The following METTL24 variants were observed in gnomAD, a reference collection of about 807,000 sequenced individuals.
The protein encoded by METTL24 is probable methyltransferase-like protein 24.
METTL24 carries 29 observed loss-of-function variants against 32.7 expected under a neutral mutation model. The observed-to-expected ratio is 0.89, with a 90% CI of 0.66 to 1.21. METTL24 has a LOEUF of 1.21. Among genes scored for constraint, METTL24 ranks in the 50% most tolerant of loss-of-function variants. METTL24 has a pLI of 0.00. For missense variants in METTL24, 439 were observed against 468.1 expected (o/e 0.94, Z 0.57); for synonymous variants, 163 against 179.5 (o/e 0.91, Z 0.73).
Position 110,323,370 on chromosome 6 carries a change from C to T in METTL24, c.319-498G>A, listed in dbSNP as rs541416665. Among the ~76,000 whole-genome samples the T allele has an allele frequency of 1.3e-3, 202 of 152,266 alleles. 1 individual carries two copies. The highest frequency in any genetic ancestry group is 4.6e-3 in the African/African-American group (193 of 41,552). On this transcript the variant is annotated intron_variant, in intron 1 of 4. Transcript: ENST00000338882. The stretch of plus-strand genomic sequence containing the variant: ...TCCTCAGTGCAGGGAGATGGGACCA[C>T]GGCCCTTGGCTGCTGGGACCCTGCA...
intron 1 of METTL24, among the ~76,000 whole-genome samples, chr6:110,335,566 GTTTTTTTTTTTTTTTTT>G (rs527344096): frequency 1.5e-5 from 1 of 66,114 alleles, no homozygotes. Context: ...GGGAATCATT[GTTTTTTTTTTTTTTTTT>G]TTTTTTTTTT....
At chr6:110,261,348 CA>C (rs1770723807) in intron 4 of METTL24, among the ~76,000 whole-genome samples, 1 of 152,036 alleles carries the variant, frequency 6.6e-6, no homozygotes, top group South Asian at 2.1e-4. Flanking sequence ...TTGAAACCAA[CA>C]AAGATCAAAA....
At position 110,284,089 on chromosome 6, in the gene METTL24, G is replaced by A. The variant is rs564450998; in HGVS notation, c.786+14833C>T. ...CCCCAATGAACCTTGAAAACATTAT[G>A]CAAAGTGAAATAAACTACACACAAA... On this transcript the variant is annotated intron_variant, in intron 4 of 4. Coordinates refer to ENST00000338882, the MANE Select transcript of METTL24 (RefSeq NM_001123364.3). 3.3e-5 allele frequency among the ~76,000 whole-genome samples: 5 copies of A among 152,254 alleles called. No homozygotes were observed. In the South Asian group the frequency reaches 1.0e-3, roughly 32 times the overall value.
chr6:110,316,891 C>CA (rs1038603080), intron 2 of METTL24, among the ~76,000 whole-genome samples: 1 of 150,772 alleles, frequency 6.6e-6, no homozygotes, highest in African/African-American at 2.4e-5. Flanking sequence ...GACCCTGTCT[C>CA]AAAAAAATAA....
rs13200277 is a variant in METTL24 at position 110,336,695 on chromosome 6, C to T, written c.319-13823G>A. On this transcript the variant is annotated intron_variant, in intron 1 of 4. Coordinates refer to ENST00000338882, the MANE Select transcript of METTL24 (RefSeq NM_001123364.3). ...CGGGGCTTGCAGTGAGCTGAGATTG[C>T]GCCACTGCACTCCAGCCTGGGCGAC... Among the ~76,000 whole-genome samples the T allele has an allele frequency of 4.1e-3, 608 of 148,296 alleles. 8 individuals are homozygous for T. Among genetic ancestry groups the T allele is most frequent in the Middle Eastern group, 0.021 (6 of 286 alleles).
In METTL24 at chr6:110,358,317, G is replaced by T; in HGVS notation, c.-45C>A. 1 of 1,373,446 alleles carries T rather than the reference G, an allele frequency of 7.3e-7. No homozygotes were observed. The highest frequency in any genetic ancestry group is 9.5e-7 in the Non-Finnish European group (1 of 1,058,188). The allele number at this position is 1,373,446 out of a possible 1,614,324, so 85.1% of individuals were successfully genotyped here. A position where few individuals can be genotyped will look rare whatever the true frequency, so the allele number is the denominator to read the frequency against. On this transcript the variant is annotated 5_prime_UTR_variant, in exon 1 of 5. The change creates a new upstream start codon in the 5' untranslated region. Transcript: ENST00000338882. The stretch of plus-strand genomic sequence containing the variant: ...CGCGGGCCGCGCCTGGCCGGCAGCA[G>T]GGATGTAGCCCCACAGGCCGGAGCG...
intron 4 of METTL24, among the ~76,000 whole-genome samples, chr6:110,273,455 T>C (rs192883329): frequency 2.6e-4 from 39 of 152,076 alleles, no homozygotes; most frequent in African/African-American, 8.2e-4. Context: ...GGAGAAAATA[T>C]TCTCAAACTA....
intron 1 of METTL24, among the ~76,000 whole-genome samples, chr6:110,345,518 A>G (rs930154094): frequency 6.6e-6 from 1 of 152,246 alleles, no homozygotes; most frequent in South Asian, 2.1e-4. Flanking sequence ...AAAGACATGG[A>G]ATCAACCTAA....
In METTL24 at chr6:110,245,948, AT is replaced by A. The variant is rs1562213615; in HGVS notation, c.1098del (p.Lys366AsnfsTer21). 6.2e-7 allele frequency: 1 copy of A among 1,606,796 alleles called. No individual in the cohort carries two copies. Among genetic ancestry groups the A allele is most frequent in the Admixed American group, 1.7e-5 (1 of 59,432 alleles). On this transcript the variant is annotated frameshift_variant, in exon 5 of 5. Transcript: ENST00000338882. LOFTEE classifies it high-confidence loss of function. ...TGCTCTTGATGACATCCTGCATCCT[AT>A]TTCCATCTTGTATTCACCCAACTCA... Reference protein sequence around the residue: ...YTLSWVNTRWK With the variant: ...YTLSWVNTRWX
intron 2 of METTL24, among the ~76,000 whole-genome samples, chr6:110,317,415 T>C (rs1271107546): frequency 2.0e-5 from 3 of 152,176 alleles, no homozygotes; most frequent in South Asian, 4.1e-4. Context: ...CTAATCTAGT[T>C]AGTCAGAACT....
chr6:110,250,559 G>A (rs1263170715), intron 4 of METTL24, among the ~76,000 whole-genome samples: 1 of 151,882 alleles, frequency 6.6e-6, no homozygotes, highest in Non-Finnish European at 1.5e-5. Flanking sequence ...CCATAACAGT[G>A]TTTGGGGTAG....
chr6:110,252,556 G>A (rs548443051), intron 4 of METTL24, among the ~76,000 whole-genome samples: 36 of 152,136 alleles, frequency 2.4e-4, no homozygotes, highest in African/African-American at 8.4e-4. Flanking sequence ...TCTAAAACAG[G>A]TATTTTTGCT....
At chr6:110,300,936 G>C (rs1771507011) in intron 3 of METTL24, among the ~76,000 whole-genome samples, 1 of 152,152 alleles carries the variant, frequency 6.6e-6, no homozygotes, top group African/African-American at 2.4e-5. Flanking sequence ...AAATTATGCA[G>C]GAGGATGTGC....
intron 1 of METTL24, among the ~76,000 whole-genome samples, chr6:110,350,986 T>TA (rs1772589785): frequency 6.6e-6 from 1 of 151,954 alleles, no homozygotes; most frequent in Admixed American, 6.6e-5. Flanking sequence ...CAGGCGCCTG[T>TA]AATCCCAGCT....
At chr6:110,273,072 A>G (rs546910511) in intron 4 of METTL24, among the ~76,000 whole-genome samples, 1 of 152,086 alleles carries the variant, frequency 6.6e-6, no homozygotes, top group East Asian at 1.9e-4. Flanking sequence ...TTCCTATATT[A>G]TCCTCTAGAA....
chr6:110,301,865 G>A (rs892633440), intron 3 of METTL24, among the ~76,000 whole-genome samples: 6 of 152,074 alleles, frequency 3.9e-5, no homozygotes, highest in Admixed American at 1.3e-4. Context: ...TCAGAATATT[G>A]TAGAACTCAC....
chr6:110,258,759 C>G (rs992688335), intron 4 of METTL24, among the ~76,000 whole-genome samples: 1 of 151,288 alleles, frequency 6.6e-6, no homozygotes, highest in Non-Finnish European at 1.5e-5. Flanking sequence ...TCCCAAACAT[C>G]ATTCCTCTGC....
chr6:110,262,886 A>G (rs1223113018), intron 4 of METTL24, among the ~76,000 whole-genome samples: 1 of 152,238 alleles, frequency 6.6e-6, no homozygotes, highest in Admixed American at 6.5e-5. Context: ...TTATCTCAAT[A>G]GATGCAGAAA....
chr6:110,357,882 G>A (rs1469788798), intron 1 of METTL24, 73 bp downstream of exon 1: 6 of 900,522 alleles, frequency 6.7e-6, no homozygotes, highest in Non-Finnish European at 8.4e-6. Context: ...CGGGACCTGA[G>A]CGCCGGGCTC....
Sources: allele counts gnomAD v4.1 joint callset (sites outside exome capture counted in the v4.1 genomes callset), GRCh38; gene constraint gnomAD v4.1.1; transcripts MANE v1.5; gene names NCBI Gene and HGNC (gene_info 2026-07-23, HGNC 2026-07-21).